The following SORCS2 variants were observed in gnomAD, a reference collection of about 807,000 sequenced individuals.
The protein encoded by SORCS2 is VPS10 domain-containing receptor SorCS2.
Under a neutral mutation model 141.6 loss-of-function variants are expected in SORCS2, and 100 were observed. That is an observed-to-expected ratio of 0.71 (90% CI 0.60 to 0.83). The LOEUF (loss-of-function observed/expected upper bound fraction) is 0.83, where lower values mean the gene tolerates loss of function less well. Ranked by LOEUF, SORCS2 falls within the 40% of genes least tolerant of loss-of-function variation. The pLI, the probability that SORCS2 is intolerant of heterozygous loss-of-function variation, is 0.00. For missense variants in SORCS2, 1,646 were observed against 1,560.2 expected (o/e 1.05, Z -0.93); for synonymous variants, 789 against 676.9 (o/e 1.17, Z -2.57).
chr4:7,608,763 C>G (rs570418391), intron 3 of SORCS2, among the ~76,000 whole-genome samples: 1 of 151,682 alleles, frequency 6.6e-6, no homozygotes, highest in South Asian at 2.1e-4. Flanking sequence ...GACATCACAT[C>G]AACTTGGCTT....
intron 2 of SORCS2, among the ~76,000 whole-genome samples, chr4:7,514,097 C>T (rs939415014): frequency 1.3e-5 from 2 of 152,148 alleles, no homozygotes; most frequent in Non-Finnish European, 2.9e-5. Flanking sequence ...GGCCAGTGGA[C>T]AGACCCACAA....
At position 7,740,557 on chromosome 4, in the gene SORCS2, C is replaced by T. The variant is rs936905848; in HGVS notation, c.*293C>T. On this transcript the variant is annotated 3_prime_UTR_variant, in exon 27 of 27. Coordinates refer to ENST00000507866, the MANE Select transcript of SORCS2 (RefSeq NM_020777.3). The stretch of plus-strand genomic sequence containing the variant: ...CACACGGCCGCCCCACGTGCTGTCG[C>T]TCAGCCCGAGGCCTGACTTCTCTGG... 1 of 476,418 alleles carries T rather than the reference C, an allele frequency of 2.1e-6. No individual in the cohort carries two copies. The highest frequency in any genetic ancestry group is 1.9e-5 in the African/African-American group (1 of 51,644). The allele number at this position is 476,418 out of a possible 1,614,324, so 29.5% of individuals were successfully genotyped here.
At chr4:7,327,115 C>T (rs1719315087) in intron 1 of SORCS2, among the ~76,000 whole-genome samples, 1 of 152,250 alleles carries the variant, frequency 6.6e-6, no homozygotes, top group Non-Finnish European at 1.5e-5. Flanking sequence ...GAGTTAGGTG[C>T]TGGATGAGCC....
chr4:7,437,797 C>T (rs1402495609), intron 2 of SORCS2, among the ~76,000 whole-genome samples: 6 of 152,094 alleles, frequency 3.9e-5, no homozygotes, highest in Non-Finnish European at 8.8e-5. Flanking sequence ...CTCCCGAGTA[C>T]CTTTGCCCAG....
intron 18 of SORCS2, 106 bp from the exon 19 acceptor site, chr4:7,723,590 AG>A (rs1276217069): frequency 4.8e-6 from 6 of 1,260,878 alleles, no homozygotes; most frequent in Non-Finnish European, 6.9e-6. Flanking sequence ...CAAGGAAGGG[AG>A]GGCGGCAATG....
chr4:7,620,441 C>G (rs904580284), intron 3 of SORCS2, among the ~76,000 whole-genome samples: 6 of 152,222 alleles, frequency 3.9e-5, no homozygotes, highest in Non-Finnish European at 7.3e-5. Context: ...CCTGGCCATT[C>G]ACCCCCACAT....
chr4:7,677,008 G>C (rs13110238), intron 9 of SORCS2, among the ~76,000 whole-genome samples: 25,310 of 137,910 alleles, frequency 0.18, 2,805 homozygotes, highest in Middle Eastern at 0.24. Flanking sequence ...CTCTCTGTGT[G>C]TGAAGTTGGC....
intron 1 of SORCS2, among the ~76,000 whole-genome samples, chr4:7,307,736 GA>G (rs1664895321): frequency 2.6e-5 from 4 of 152,330 alleles, no homozygotes; most frequent in Admixed American, 2.6e-4. Context: ...GAGAAGCTGT[GA>G]GTGGTGTGTT....
chr4:7,297,631 C>T (rs1717166731), intron 1 of SORCS2, among the ~76,000 whole-genome samples: 2 of 152,212 alleles, frequency 1.3e-5, no homozygotes, highest in East Asian at 1.9e-4. Flanking sequence ...GTTCCTAGAT[C>T]CTCGTCTGAA....
intron 3 of SORCS2, among the ~76,000 whole-genome samples, chr4:7,599,308 G>A (rs1414298550): frequency 6.6e-6 from 1 of 152,154 alleles, no homozygotes; most frequent in Non-Finnish European, 1.5e-5. Flanking sequence ...CTAGAGCACG[G>A]GTGAGGACTG....
intron 2 of SORCS2, among the ~76,000 whole-genome samples, chr4:7,486,715 G>A (rs946637517): frequency 6.6e-6 from 1 of 152,136 alleles, no homozygotes; most frequent in Non-Finnish European, 1.5e-5. Context: ...ATCCCTCCTG[G>A]CTCTTCCGGC....
At chr4:7,440,843 A>G (rs995872759) in intron 2 of SORCS2, among the ~76,000 whole-genome samples, 2 of 152,052 alleles carry the variant, frequency 1.3e-5, no homozygotes, top group Non-Finnish European at 2.9e-5. Flanking sequence ...ATCATTTTCC[A>G]AGCCCTGCTG....
intron 3 of SORCS2, among the ~76,000 whole-genome samples, chr4:7,593,020 C>T (rs1300496712): frequency 6.6e-6 from 1 of 152,102 alleles, no homozygotes; most frequent in Non-Finnish European, 1.5e-5. Context: ...ATTGTTAAAA[C>T]CTATATAATT....
intron 1 of SORCS2, among the ~76,000 whole-genome samples, chr4:7,388,836 C>T (rs1194509696): frequency 1.3e-5 from 2 of 152,182 alleles, no homozygotes; most frequent in African/African-American, 4.8e-5. Context: ...GGTGAGCACC[C>T]CCGGCGATCC....
chr4:7,601,858 G>T (rs1389301762), intron 3 of SORCS2, among the ~76,000 whole-genome samples: 1 of 152,092 alleles, frequency 6.6e-6, no homozygotes, highest in Non-Finnish European at 1.5e-5. Context: ...TGAGATTAGG[G>T]AGCGGTGATG....
chr4:7,646,147 C>T (rs57589146), intron 4 of SORCS2, among the ~76,000 whole-genome samples: 8,518 of 152,300 alleles, frequency 0.056, 600 homozygotes, highest in African/African-American at 0.17. Flanking sequence ...GCGGCTTAGC[C>T]GAGGAGCAGG....
At chr4:7,687,540 G>A (rs1723955375) in intron 10 of SORCS2, among the ~76,000 whole-genome samples, 1 of 152,088 alleles carries the variant, frequency 6.6e-6, no homozygotes, top group African/African-American at 2.4e-5. Flanking sequence ...GCTCTCCAGG[G>A]GTGACACAGT....
intron 2 of SORCS2, among the ~76,000 whole-genome samples, chr4:7,404,683 A>G (rs1724865735): frequency 6.6e-6 from 1 of 152,148 alleles, no homozygotes; most frequent in African/African-American, 2.4e-5. Flanking sequence ...TCCTTTGCCC[A>G]CTTTTAAATA....
At chr4:7,346,367 A>G (rs184121202) in intron 1 of SORCS2, among the ~76,000 whole-genome samples, 2 of 152,040 alleles carry the variant, frequency 1.3e-5, no homozygotes, top group African/African-American at 4.8e-5. Context: ...TCTAATATTG[A>G]TTTCCAATTT....
Sources: allele counts gnomAD v4.1 joint callset (sites outside exome capture counted in the v4.1 genomes callset), GRCh38; gene constraint gnomAD v4.1.1; transcripts MANE v1.5; gene names NCBI Gene and HGNC (gene_info 2026-07-23, HGNC 2026-07-21).